DLG2: variants seen among roughly 807,000 people sequenced by gnomAD.
DLG2 encodes disks large homolog 2.
DLG2 carries 45 observed loss-of-function variants against 132.5 expected under a neutral mutation model. The observed-to-expected ratio is 0.34, with a 90% confidence interval of 0.27 to 0.44. The LOEUF is 0.44. DLG2 is among the 20% of genes least tolerant of loss of function. The pLI, the probability that DLG2 is intolerant of heterozygous loss-of-function variation, is 1.00. For missense variants in DLG2, 1,045 were observed against 1,196.9 expected, an observed-to-expected ratio of 0.87 and a Z score of 1.87; for synonymous variants, 424 against 419.6, an observed-to-expected ratio of 1.01 and a Z score of -0.13.
intron 18 of DLG2, among the ~76,000 whole-genome samples, chr11:83,762,907 T>C: frequency 6.6e-6 from 1 of 152,330 alleles, no homozygotes; most frequent in East Asian, 1.9e-4. Flanking sequence ...TATGACAGCT[T>C]CTTAGAAGCT....
At chr11:85,157,736 C>T (rs1019974873) in intron 4 of DLG2, among the ~76,000 whole-genome samples, 1 of 152,144 alleles carries the variant, frequency 6.6e-6, no homozygotes, top group Non-Finnish European at 1.5e-5. Flanking sequence ...AAAACAGACA[C>T]AAGCCCTTAA....
chr11:84,253,809 G>GT (rs1276640967), intron 7 of DLG2, among the ~76,000 whole-genome samples: 1 of 151,930 alleles, frequency 6.6e-6, no homozygotes, highest in African/African-American at 2.4e-5. Flanking sequence ...TTTGAATATT[G>GT]TTTTTTCTGA....
intron 8 of DLG2, among the ~76,000 whole-genome samples, chr11:84,208,702 G>T (rs1393197479): frequency 6.6e-6 from 1 of 152,066 alleles, no homozygotes; most frequent in South Asian, 2.1e-4. Flanking sequence ...TGGTGTTTTG[G>T]CTGAAAACTA....
chr11:85,606,638 T>C (rs946662626), intron 2 of DLG2, among the ~76,000 whole-genome samples: 4 of 152,166 alleles, frequency 2.6e-5, no homozygotes, highest in African/African-American at 9.7e-5. Flanking sequence ...CCTTCCACAC[T>C]GTGGAAGCTT....
Position 83,739,489 on chromosome 11 carries a change from C to G in DLG2, c.1825+47201G>C, listed in dbSNP as rs183312157. ...CATATAATACTTCTGTGATATTAAT[C>G]AGTAAGGAAAAAGAAAGATAACTCA... On this transcript the variant is annotated intron_variant, in intron 18 of 27. Transcript: ENST00000376104. 7.2e-3 allele frequency among the ~76,000 whole-genome samples: 1,098 copies of G among 151,718 alleles called. 4 individuals carry two copies. Among genetic ancestry groups the G allele is most frequent in the Non-Finnish European group, 0.012 (820 of 67,892 alleles).
intron 10 of DLG2, among the ~76,000 whole-genome samples, chr11:84,092,779 T>C (rs1275069830): frequency 6.6e-6 from 1 of 152,158 alleles, no homozygotes; most frequent in East Asian, 1.9e-4. Flanking sequence ...GGCTCACACC[T>C]GTAATCCCAG....
chr11:85,200,445 C>T (rs1359775639), intron 4 of DLG2, among the ~76,000 whole-genome samples: 1 of 152,170 alleles, frequency 6.6e-6, no homozygotes, highest in African/African-American at 2.4e-5. Flanking sequence ...TTGTTCATAT[C>T]TCACAGCCCA....
intron 4 of DLG2, among the ~76,000 whole-genome samples, chr11:85,166,517 C>G (rs546355095): frequency 5.0e-4 from 76 of 152,212 alleles, no homozygotes; most frequent in South Asian, 1.5e-3. Context: ...ACAGCCTGTG[C>G]TGATCCTCTT....
chr11:84,338,527 T>C (rs1464350467), intron 7 of DLG2, among the ~76,000 whole-genome samples: 2 of 152,184 alleles, frequency 1.3e-5, no homozygotes, highest in Non-Finnish European at 2.9e-5. Context: ...TCTTCACATA[T>C]AAAGTGGTGA....
chr11:85,587,219 G>C (rs893063104), intron 3 of DLG2, among the ~76,000 whole-genome samples: 9 of 152,086 alleles, frequency 5.9e-5, no homozygotes, highest in African/African-American at 9.7e-5. Flanking sequence ...AAGTCCATTT[G>C]TTCTGGGTAT....
intron 3 of DLG2, among the ~76,000 whole-genome samples, chr11:85,517,900 C>T (rs544496826): frequency 1.8e-4 from 27 of 152,238 alleles, no homozygotes; most frequent in African/African-American, 6.0e-4. Context: ...GTAAGTCTCA[C>T]AAGATCTGAT....
At chr11:84,264,160 G>A (rs931291740) in intron 7 of DLG2, among the ~76,000 whole-genome samples, 2 of 152,154 alleles carry the variant, frequency 1.3e-5, no homozygotes, top group Admixed American at 1.3e-4. Flanking sequence ...AAATACTGCT[G>A]GCATTTGCTG....
At position 85,500,519 on chromosome 11, in the gene DLG2, T is replaced by A. The variant is rs542777460; in HGVS notation, c.40+98138A>T. Among the ~76,000 whole-genome samples, 49 of 137,036 alleles carry A rather than the reference T, an allele frequency of 3.6e-4. 1 individual carries two copies. In the South Asian group the frequency reaches 0.011, roughly 30 times the overall value. The allele number at this position is 137,036 out of a possible 152,430, so 89.9% of individuals were successfully genotyped here. On this transcript the variant is annotated intron_variant, in intron 3 of 27. Coordinates refer to ENST00000376104, the MANE Select transcript of DLG2 (RefSeq NM_001142699.3). The stretch of plus-strand genomic sequence containing the variant: ...AACTAACCTGCACAATGTGCACATG[T>A]ACCCTAAAACTTAGAGTATAATAAA...
intron 6 of DLG2, among the ~76,000 whole-genome samples, chr11:84,617,222 A>G (rs900759497): frequency 6.6e-6 from 1 of 151,142 alleles, no homozygotes; most frequent in Non-Finnish European, 1.5e-5. Context: ...CTTATGAGTG[A>G]GGACATGCAG....
At chr11:83,727,357 G>T (rs938893280) in intron 18 of DLG2, among the ~76,000 whole-genome samples, 1 of 152,124 alleles carries the variant, frequency 6.6e-6, no homozygotes, top group African/African-American at 2.4e-5. Context: ...GTTGTTCACA[G>T]CCATTATCAG....
intron 3 of DLG2, among the ~76,000 whole-genome samples, chr11:85,434,096 G>T (rs2091342974): frequency 1.3e-5 from 2 of 152,176 alleles, no homozygotes; most frequent in East Asian, 3.9e-4. Flanking sequence ...TGAAATTAAG[G>T]CAGAAATCAA....
At position 84,923,748 on chromosome 11, in the gene DLG2, T is replaced by C. The variant is rs148698583; in HGVS notation, c.357+187913A>G. Among the ~76,000 whole-genome samples the C allele has an allele frequency of 2.1e-3, 323 of 152,228 alleles. 1 individual carries two copies. The highest frequency in any genetic ancestry group is 7.6e-3 in the African/African-American group (315 of 41,542). On this transcript the variant is annotated intron_variant, in intron 6 of 27. Coordinates refer to ENST00000376104, the MANE Select transcript of DLG2 (RefSeq NM_001142699.3). ...GAACAGGACCAGGACCAGAGGATCATTGTCATATAAAGTCCCCTAAAATGT... is the reference window on the plus strand; with the variant it reads ...GAACAGGACCAGGACCAGAGGATCACTGTCATATAAAGTCCCCTAAAATGT...
intron 4 of DLG2, among the ~76,000 whole-genome samples, chr11:85,283,293 A>C (rs1398361095): frequency 6.6e-6 from 1 of 151,942 alleles, no homozygotes; most frequent in Non-Finnish European, 1.5e-5. Flanking sequence ...AAATTGAAAA[A>C]TCAAAAATAT....
At chr11:85,009,418 A>C (rs952728524) in intron 6 of DLG2, among the ~76,000 whole-genome samples, 1 of 152,128 alleles carries the variant, frequency 6.6e-6, no homozygotes, top group African/African-American at 2.4e-5. Flanking sequence ...TTTGTACAGA[A>C]ACAAGCCATA....
Sources: allele counts gnomAD v4.1 joint callset (sites outside exome capture counted in the v4.1 genomes callset), GRCh38; gene constraint gnomAD v4.1.1; transcripts MANE v1.5; gene names NCBI Gene and HGNC (gene_info 2026-07-23, HGNC 2026-07-21).